ARFGEF1: variants seen among roughly 807,000 people sequenced by gnomAD.
The protein encoded by ARFGEF1 is brefeldin A-inhibited guanine nucleotide-exchange protein 1.
A neutral mutation model predicts 231.0 loss-of-function variants in ARFGEF1; 42 were observed. The observed-to-expected ratio is 0.18, with a 90% CI of 0.14 to 0.24. The LOEUF is 0.24. ARFGEF1 is among the 10% of genes least tolerant of loss of function. The probability of loss-of-function intolerance (pLI) is 1.00; values close to 1 mark genes in which losing one functional copy is unlikely to be tolerated. For synonymous variants in ARFGEF1, 710 were observed against 732.3 expected, an observed-to-expected ratio of 0.97 and a Z score of 0.49; for missense variants, 1,345 against 2,192.0, an observed-to-expected ratio of 0.61 and a Z score of 7.72.
At chr8:67,227,926 C>A in intron 25 of ARFGEF1, 37 bp downstream of exon 25, 1 of 1,477,320 alleles carries the variant, frequency 6.8e-7, no homozygotes, top group South Asian at 1.5e-5. Context: ...AAAAAATATA[C>A]TACAAATGTA....
At chr8:67,219,889 T>G (rs562686153) in intron 29 of ARFGEF1, among the ~76,000 whole-genome samples, 2 of 152,236 alleles carry the variant, frequency 1.3e-5, no homozygotes, top group African/African-American at 4.8e-5. Flanking sequence ...AATATTAATT[T>G]TGTGGCACTG....
At chr8:67,264,640 C>A (rs1804774350) in intron 14 of ARFGEF1, among the ~76,000 whole-genome samples, 1 of 152,026 alleles carries the variant, frequency 6.6e-6, no homozygotes, top group Non-Finnish European at 1.5e-5. Flanking sequence ...ACAGGATAGA[C>A]TGGTGTCATG....
intron 1 of ARFGEF1, among the ~76,000 whole-genome samples, chr8:67,310,653 A>G (rs533651849): frequency 6.6e-6 from 1 of 151,024 alleles, no homozygotes; most frequent in Non-Finnish European, 1.5e-5. Context: ...GGAAGTGAGG[A>G]GCGTCTCTGC....
chr8:67,244,676 A>T (rs1840051326), intron 19 of ARFGEF1, among the ~76,000 whole-genome samples: 1 of 150,068 alleles, frequency 6.7e-6, no homozygotes, highest in African/African-American at 2.5e-5. Context: ...ATCTGAAAAA[A>T]ATACAGTCAG....
At chr8:67,205,294 T>G (rs891211906) in intron 34 of ARFGEF1, among the ~76,000 whole-genome samples, 1 of 152,186 alleles carries the variant, frequency 6.6e-6, no homozygotes, top group Non-Finnish European at 1.5e-5. Flanking sequence ...AAAGCTGCCC[T>G]GAGAATCTGG....
intron 34 of ARFGEF1, among the ~76,000 whole-genome samples, chr8:67,206,268 G>C (rs1838513287): frequency 6.6e-6 from 1 of 151,920 alleles, no homozygotes; most frequent in African/African-American, 2.4e-5. Flanking sequence ...AAATTAGCCG[G>C]GTGTGGTGGC....
At chr8:67,335,101 ATTTTT>A (rs1166810807) in intron 1 of ARFGEF1, among the ~76,000 whole-genome samples, 2 of 132,364 alleles carry the variant, frequency 1.5e-5, no homozygotes, top group Non-Finnish European at 3.2e-5. Context: ...ATCACGGTAA[ATTTTT>A]TTTTTTTTTT....
chr8:67,180,588 C>A (rs1832772058), intron 5 of ARFGEF1, among the ~76,000 whole-genome samples: 1 of 151,998 alleles, frequency 6.6e-6, no homozygotes, highest in Non-Finnish European at 1.5e-5. Flanking sequence ...TAAAAACACA[C>A]AAATGAGTAT....
chr8:67,305,978 A>G (rs762876742), intron 1 of ARFGEF1, among the ~76,000 whole-genome samples: 3 of 152,152 alleles, frequency 2.0e-5, no homozygotes, highest in Non-Finnish European at 4.4e-5. Flanking sequence ...GCAAGAATTT[A>G]TTTTTCCTTC....
At chr8:67,269,343 C>G (rs531523354) in intron 10 of ARFGEF1, among the ~76,000 whole-genome samples, 7 of 148,820 alleles carry the variant, frequency 4.7e-5, no homozygotes, top group African/African-American at 1.7e-4. Flanking sequence ...GCTTTCTCCA[C>G]GTTCAGCTTT....
intron 5 of ARFGEF1, among the ~76,000 whole-genome samples, chr8:67,183,300 A>G (rs1385597869): frequency 6.6e-6 from 1 of 152,264 alleles, no homozygotes; most frequent in Non-Finnish European, 1.5e-5. Flanking sequence ...CCAACTGGAT[A>G]TAATGGATGT....
At chr8:67,222,416 C>T (rs907594693) in intron 29 of ARFGEF1, among the ~76,000 whole-genome samples, 1 of 151,292 alleles carries the variant, frequency 6.6e-6, no homozygotes, top group Non-Finnish European at 1.5e-5. Context: ...CAGGTGTGCA[C>T]CACCACACCC....
chr8:67,190,572 TTAA>T, intron 5 of ARFGEF1: 1 of 1,056,462 alleles, frequency 9.5e-7, no homozygotes, highest in Non-Finnish European at 1.5e-6. Flanking sequence ...ATCTTAGTAA[TTAA>T]AAGGCTCTTG....
intron 1 of ARFGEF1, among the ~76,000 whole-genome samples, chr8:67,313,641 T>C (rs924048927): frequency 7.9e-5 from 12 of 152,212 alleles, no homozygotes; most frequent in Non-Finnish European, 1.0e-4. Context: ...CAGCCATGGA[T>C]ACCAGTGCCA....
chr8:67,265,713 A>C (rs1047205712), intron 14 of ARFGEF1, among the ~76,000 whole-genome samples: 2 of 152,182 alleles, frequency 1.3e-5, no homozygotes, highest in Admixed American at 6.5e-5. Context: ...TAGAAAATAT[A>C]ATGGGGGGAT....
intron 28 of ARFGEF1, among the ~76,000 whole-genome samples, chr8:67,225,744 TTGTC>T (rs990995157): frequency 6.6e-6 from 1 of 152,134 alleles, no homozygotes; most frequent in Non-Finnish European, 1.5e-5. Flanking sequence ...CTCAGTTTCT[TTGTC>T]TGTATGGGGC....
rs773815622 is a variant in ARFGEF1 at position 67,266,046 on chromosome 8, G to A, written c.2083C>T (p.Leu695=). 1 of 1,613,720 alleles carries A rather than the reference G, an allele frequency of 6.2e-7. No individual in the cohort carries two copies. The highest frequency in any genetic ancestry group is 8.5e-7 in the Non-Finnish European group (1 of 1,179,780). Residue 695 remains leucine (L), a synonymous_variant, in exon 14 of 39, where the codon CTA becomes TTA. Coordinates refer to ENST00000262215, the MANE Select transcript of ARFGEF1 (RefSeq NM_006421.5). ...GTDNPEQFEV[L]KQQKEIIEQG... ...TCTATTATTTCTTTTTGTTGCTTTA[G>A]GACCTCAAATTGTTCTGGATTATCA...
At chr8:67,339,108 C>T (rs1240538405) in intron 1 of ARFGEF1, among the ~76,000 whole-genome samples, 1 of 152,168 alleles carries the variant, frequency 6.6e-6, no homozygotes, top group Non-Finnish European at 1.5e-5. Context: ...ACTATAATTA[C>T]AGGTAATAGA....
At chr8:67,193,525 A>T (rs754548306), downstream of ARFGEF1, 1 of 1,612,892 alleles carries the variant, frequency 6.2e-7, no homozygotes, top group South Asian at 1.1e-5. Flanking sequence ...TCCAGTGTAA[A>T]TGTTGATGAG....
Sources: gnomAD v4.1 joint callset for allele counts (sites outside exome capture counted in the v4.1 genomes callset) on GRCh38, gnomAD v4.1.1 for gene constraint, MANE v1.5 for transcripts, NCBI Gene and HGNC (gene_info 2026-07-23, HGNC 2026-07-21) for gene names.